MOB3B: variants seen among roughly 807,000 people sequenced by gnomAD.
MOB3B encodes MOB kinase activator 3B.
A neutral mutation model predicts 18.7 loss-of-function variants in MOB3B; 7 were observed. That is an observed-to-expected ratio of 0.37 (90% CI 0.21 to 0.70). The LOEUF is 0.70. MOB3B is among the 30% of genes least tolerant of loss of function. MOB3B has a pLI of 0.52. For synonymous variants in MOB3B, 111 were observed against 99.9 expected (o/e 1.11, Z -0.66); for missense variants, 253 against 281.3 (o/e 0.90, Z 0.72).
At chr9:27,429,434 A>C (rs751928231) in intron 2 of MOB3B, among the ~76,000 whole-genome samples, 2 of 152,252 alleles carry the variant, frequency 1.3e-5, no homozygotes, top group African/African-American at 2.4e-5. Context: ...AGAAAGGAAA[A>C]GAAAGGGGAC....
intron 2 of MOB3B, among the ~76,000 whole-genome samples, chr9:27,363,829 C>A (rs1821307681): frequency 6.6e-6 from 1 of 152,118 alleles, no homozygotes; most frequent in Admixed American, 6.5e-5. Context: ...GCAGCCTCAG[C>A]CTCCTGGGCC....
rs56092176 is a variant in MOB3B, at chr9:27,472,678, TAAAAAAAAAAA to T, written c.-198-16941_-198-16931del. ...ATTCTCTTTAAACTGCACTTTATTC[TAAAAAAAAAAA>T]AAAAAAAAAAAAAAAAGAGCTCCCT... On this transcript the variant is annotated intron_variant, in intron 1 of 3. Coordinates refer to ENST00000262244, the MANE Select transcript of MOB3B (RefSeq NM_024761.5). 1.1e-3 allele frequency among the ~76,000 whole-genome samples: 106 copies of T among 98,914 alleles called. 1 individual carries two copies. The highest frequency in any genetic ancestry group is 5.1e-4 in the Non-Finnish European group (26 of 51,224). 64.9% of individuals were successfully genotyped at this position (98,914 alleles called of 152,430 possible).
intron 2 of MOB3B, among the ~76,000 whole-genome samples, chr9:27,392,248 A>G (rs1025253257): frequency 6.6e-6 from 1 of 152,228 alleles, no homozygotes; most frequent in Non-Finnish European, 1.5e-5. Flanking sequence ...AGTTTTCTTT[A>G]TCATATGTGG....
intron 1 of MOB3B, among the ~76,000 whole-genome samples, chr9:27,507,210 C>T (rs909158003): frequency 2.0e-5 from 3 of 152,084 alleles, no homozygotes; most frequent in African/African-American, 7.2e-5. Flanking sequence ...GAAATTCATC[C>T]GTGGTCATAC....
At chr9:27,371,480 T>C (rs1821413759) in intron 2 of MOB3B, among the ~76,000 whole-genome samples, 1 of 152,186 alleles carries the variant, frequency 6.6e-6, no homozygotes, top group Non-Finnish European at 1.5e-5. Flanking sequence ...CATTTGCATG[T>C]AAGATCCCGC....
chr9:27,378,605 T>C (rs1405516449), intron 2 of MOB3B: 2 of 471,124 alleles, frequency 4.2e-6, no homozygotes, highest in Non-Finnish European at 8.8e-6. Context: ...CTTCCCCCTG[T>C]ATCTCACTCT....
intron 2 of MOB3B, among the ~76,000 whole-genome samples, chr9:27,406,120 C>A (rs2150335): frequency 0.84 from 127,171 of 152,168 alleles, 53,461 homozygotes; most frequent in East Asian, 1. Flanking sequence ...AATCAGAAAA[C>A]AATGAAGTCA....
intron 1 of MOB3B, among the ~76,000 whole-genome samples, chr9:27,475,697 T>A (rs893288304): frequency 6.6e-6 from 1 of 152,190 alleles, no homozygotes; most frequent in Non-Finnish European, 1.5e-5. Flanking sequence ...CCAGATAAGC[T>A]CCTCACCCAG....
intron 2 of MOB3B, among the ~76,000 whole-genome samples, chr9:27,402,898 C>T (rs1046276804): frequency 8.5e-5 from 13 of 152,188 alleles, no homozygotes; most frequent in East Asian, 3.8e-4. Flanking sequence ...TGCAATTGTG[C>T]GATGAGCCTT....
At chr9:27,398,328 A>C (rs1821830467) in intron 2 of MOB3B, among the ~76,000 whole-genome samples, 1 of 152,226 alleles carries the variant, frequency 6.6e-6, no homozygotes, top group African/African-American at 2.4e-5. Context: ...TGTAGCTCAG[A>C]GCAAGAACTA....
At chr9:27,436,328 T>C (rs1309418757) in intron 2 of MOB3B, among the ~76,000 whole-genome samples, 1 of 152,248 alleles carries the variant, frequency 6.6e-6, no homozygotes, top group Admixed American at 6.5e-5. Context: ...CCTGGCACTA[T>C]CTAGGCACTG....
chr9:27,348,307 A>G (rs1416456526), intron 3 of MOB3B, among the ~76,000 whole-genome samples: 1 of 152,190 alleles, frequency 6.6e-6, no homozygotes, highest in East Asian at 1.9e-4. Context: ...GTGGTGGTTT[A>G]AAAATATTTT....
intron 2 of MOB3B, among the ~76,000 whole-genome samples, chr9:27,431,450 C>G (rs766232368): frequency 6.6e-6 from 1 of 152,190 alleles, no homozygotes; most frequent in Non-Finnish European, 1.5e-5. Context: ...GGAGTCCAAT[C>G]CCACAAAAAG....
At chr9:27,524,329 C>A (rs58668566) in intron 1 of MOB3B, 53,752 of 1,596,718 alleles carry the variant, frequency 0.034, 1,513 homozygotes, top group African/African-American at 0.13. Context: ...TTTTAGCTTG[C>A]AAAAAAAATG....
chr9:27,497,594 C>G (rs1310921439), intron 1 of MOB3B, among the ~76,000 whole-genome samples: 1 of 151,756 alleles, frequency 6.6e-6, no homozygotes, highest in Non-Finnish European at 1.5e-5. Flanking sequence ...AATTTCTTTT[C>G]TGTACTTTCC....
rs201929101 is a variant in MOB3B at position 27,455,585 on chromosome 9, GC to G, written c.-36del. 6.2e-7 allele frequency: 1 copy of G among 1,611,658 alleles called. No homozygotes were observed. The highest frequency in any genetic ancestry group is 8.5e-7 in the Non-Finnish European group (1 of 1,179,370). On this transcript the variant is annotated 5_prime_UTR_variant, in exon 2 of 4. Coordinates refer to ENST00000262244, the MANE Select transcript of MOB3B (RefSeq NM_024761.5). The stretch of plus-strand genomic sequence containing the variant: ...TTTCGCTTCCTTTCTTTTGCAGGAA[GC>G]GAAAAGGCACCTGGAACTTTTCAGG...
At chr9:27,465,683 A>G (rs10967948) in intron 1 of MOB3B, among the ~76,000 whole-genome samples, 16,234 of 152,182 alleles carry the variant, frequency 0.11, 1,197 homozygotes, top group East Asian at 0.28. Context: ...GCATGTCCAC[A>G]CATCTTCTGA....
rs1386845632 is a variant in MOB3B, at chr9:27,397,656, A to T, written c.419-38420T>A. On this transcript the variant is annotated intron_variant, in intron 2 of 3. Coordinates refer to ENST00000262244, the MANE Select transcript of MOB3B (RefSeq NM_024761.5). ...CTAGTAATAACAGAAGTTCCCTCCC[A>T]AGAATTGCTTTCATGACTAAATATT... The T allele has an allele frequency of 2.6e-5, 4 of 152,204 alleles. No individual in the cohort carries two copies. In the East Asian group the frequency reaches 7.7e-4, roughly 29 times the overall value. 9.4% of individuals were successfully genotyped at this position (152,204 alleles called of 1,614,324 possible). A position where few individuals can be genotyped will look rare whatever the true frequency, so the allele number is the denominator to read the frequency against.
rs1820732894 is a variant in MOB3B at position 27,327,720 on chromosome 9, G to A, written c.*2867C>T. The A allele has an allele frequency of 6.6e-6, 1 of 151,976 alleles. No homozygotes were observed. Among genetic ancestry groups the A allele is most frequent in the African/African-American group, 2.4e-5 (1 of 41,354 alleles). The allele number at this position is 151,976 out of a possible 1,614,324, so 9.4% of individuals were successfully genotyped here. ...GGATTTAAAAATAAACAGCTATAAAGGATATTTTGGGGACAACTGGAGAAT... is the reference window on the plus strand; with the variant it reads ...GGATTTAAAAATAAACAGCTATAAAAGATATTTTGGGGACAACTGGAGAAT... On this transcript the variant is annotated 3_prime_UTR_variant, in exon 4 of 4. Transcript: ENST00000262244.
Sources: allele counts gnomAD v4.1 joint callset (sites outside exome capture counted in the v4.1 genomes callset), GRCh38; gene constraint gnomAD v4.1.1; transcripts MANE v1.5; gene names NCBI Gene and HGNC (gene_info 2026-07-23, HGNC 2026-07-21).